The following TMEM117 variants were observed in gnomAD, a reference collection of about 807,000 sequenced individuals.
TMEM117 encodes the protein transmembrane protein 117.
TMEM117 carries 27 observed loss-of-function variants against 52.4 expected under a neutral mutation model. The observed-to-expected ratio is 0.51, with a 90% confidence interval of 0.38 to 0.71. The LOEUF is 0.71. TMEM117 is among the 30% of genes least tolerant of loss of function. The probability of loss-of-function intolerance (pLI) is 0.00; values close to 1 mark genes in which losing one functional copy is unlikely to be tolerated. For synonymous variants in TMEM117, 215 were observed against 206.3 expected, an observed-to-expected ratio of 1.04 and a Z score of -0.36; for missense variants, 556 against 630.5, an observed-to-expected ratio of 0.88 and a Z score of 1.26.
chr12:44,218,332 T>C (rs866341991), intron 5 of TMEM117, among the ~76,000 whole-genome samples: 1 of 152,122 alleles, frequency 6.6e-6, no homozygotes, highest in African/African-American at 2.4e-5. Flanking sequence ...TGATTCAACA[T>C]CTGTAAATCA....
chr12:44,150,484 A>G (rs1037719078), intron 4 of TMEM117, among the ~76,000 whole-genome samples: 11 of 152,194 alleles, frequency 7.2e-5, no homozygotes, highest in African/African-American at 2.4e-4. Flanking sequence ...ACAAAACCCA[A>G]GGACGGCAGA....
At chr12:44,291,280 A>T (rs926358784) in intron 5 of TMEM117, among the ~76,000 whole-genome samples, 1 of 149,106 alleles carries the variant, frequency 6.7e-6, no homozygotes, top group Non-Finnish European at 1.5e-5. Flanking sequence ...TTCTTTTTAG[A>T]TGGTTTATTA....
chr12:43,872,866 T>TC (rs1943730070), intron 2 of TMEM117, among the ~76,000 whole-genome samples: 1 of 152,150 alleles, frequency 6.6e-6, no homozygotes, highest in Non-Finnish European at 1.5e-5. Context: ...CTTTCTTTTT[T>TC]CCCCTCTTGA....
chr12:44,082,705 G>A (rs1176145282), intron 3 of TMEM117, among the ~76,000 whole-genome samples: 3 of 151,992 alleles, frequency 2.0e-5, no homozygotes, highest in Non-Finnish European at 4.4e-5. Flanking sequence ...TATAATTCAT[G>A]CAACATGAAA....
chr12:44,388,482 A>G lies in TMEM117; in HGVS notation c.1355A>G (p.Asn452Ser), dbSNP rs143561221. 3,611 of 1,613,448 alleles carry G rather than the reference A, an allele frequency of 2.2e-3. 3 individuals carry two copies. The highest frequency in any genetic ancestry group is 2.8e-3 in the Non-Finnish European group (3,248 of 1,179,656). The change falls in exon 8 of 8, where the codon AAC (asparagine) becomes AGC (serine). Residue 452 changes from asparagine to serine, a missense_variant. Coordinates refer to ENST00000266534, the MANE Select transcript of TMEM117 (RefSeq NM_032256.3). ...HSKDMGITRE[N>S]TQASVEDPLN... Reference sequence around the variant, plus strand: ...AAAGACATGGGAATCACTCGAGAAAACACCCAGGCTTCAGTAGAAGACCCC... The same window carrying G: ...AAAGACATGGGAATCACTCGAGAAAGCACCCAGGCTTCAGTAGAAGACCCC...
chr12:43,809,617 A>G, the TMEM117 span, among the ~76,000 whole-genome samples: 1 of 152,230 alleles, frequency 6.6e-6, no homozygotes, highest in Non-Finnish European at 1.5e-5. Flanking sequence ...TTGAATTTCC[A>G]AACCTCAAAA....
the TMEM117 span, among the ~76,000 whole-genome samples, chr12:43,817,007 A>G: frequency 6.6e-6 from 1 of 152,382 alleles, no homozygotes; most frequent in Admixed American, 6.5e-5. Flanking sequence ...TGAGCCATCA[A>G]AGAGCACACT....
intron 6 of TMEM117, among the ~76,000 whole-genome samples, chr12:44,373,873 C>T (rs894424938): frequency 8.0e-5 from 12 of 149,312 alleles, no homozygotes; most frequent in Middle Eastern, 3.3e-3. Flanking sequence ...CCTCCGTCTC[C>T]CGGGTTCAAG....
At chr12:44,255,487 C>T (rs1210316081) in intron 5 of TMEM117, among the ~76,000 whole-genome samples, 1 of 152,052 alleles carries the variant, frequency 6.6e-6, no homozygotes, top group East Asian at 1.9e-4. Flanking sequence ...CATATAGTAA[C>T]TAAATGTCTA....
chr12:43,920,502 G>C (rs1944674649), intron 2 of TMEM117, among the ~76,000 whole-genome samples: 1 of 149,496 alleles, frequency 6.7e-6, no homozygotes, highest in Non-Finnish European at 1.5e-5. Context: ...GACAGACTGA[G>C]ACTCAAAAAA....
chr12:44,069,052 A>G (rs889934412), intron 3 of TMEM117, among the ~76,000 whole-genome samples: 2 of 152,192 alleles, frequency 1.3e-5, no homozygotes, highest in African/African-American at 4.8e-5. Context: ...CACCATTAAA[A>G]TCTTTATTCT....
chr12:44,391,933 C>T (rs1952163705), downstream of TMEM117, among the ~76,000 whole-genome samples: 1 of 152,140 alleles, frequency 6.6e-6, no homozygotes, highest in South Asian at 2.1e-4. Context: ...AGCTTTGTCC[C>T]TCAGAACCCA....
chr12:44,074,681 A>G (rs1249813828), intron 3 of TMEM117, among the ~76,000 whole-genome samples: 1 of 152,132 alleles, frequency 6.6e-6, no homozygotes, highest in African/African-American at 2.4e-5. Flanking sequence ...TATATATATC[A>G]TATACATTTG....
chr12:43,927,659 A>G (rs1219243312), intron 2 of TMEM117, among the ~76,000 whole-genome samples: 1 of 151,878 alleles, frequency 6.6e-6, no homozygotes, highest in Non-Finnish European at 1.5e-5. Flanking sequence ...TTATTATGTA[A>G]TGATTCTCTT....
At chr12:44,299,128 A>C (rs1032680663) in intron 5 of TMEM117, among the ~76,000 whole-genome samples, 14 of 125,418 alleles carry the variant, frequency 1.1e-4, no homozygotes, top group Non-Finnish European at 6.4e-5. Context: ...AAGGCATTTA[A>C]TTTTTTTTTT....
chr12:44,022,235 C>A (rs929226383), intron 3 of TMEM117, among the ~76,000 whole-genome samples: 1 of 152,126 alleles, frequency 6.6e-6, no homozygotes, highest in Non-Finnish European at 1.5e-5. Context: ...AGCCATTTAG[C>A]CTCTCTGAGC....
At chr12:43,906,387 T>C (rs1944387844) in intron 2 of TMEM117, among the ~76,000 whole-genome samples, 1 of 151,474 alleles carries the variant, frequency 6.6e-6, no homozygotes, top group Admixed American at 6.6e-5. Flanking sequence ...CACTTGAACC[T>C]GGATGACAGA....
At chr12:44,347,722 G>A (rs1039186441) in intron 6 of TMEM117, among the ~76,000 whole-genome samples, 6 of 151,876 alleles carry the variant, frequency 4.0e-5, no homozygotes, top group African/African-American at 1.5e-4. Context: ...GTAATCAAGG[G>A]GTCAAAATGA....
intron 2 of TMEM117, among the ~76,000 whole-genome samples, chr12:43,887,172 G>C (rs936161745): frequency 1.1e-4 from 16 of 152,156 alleles, no homozygotes; most frequent in African/African-American, 3.6e-4. Context: ...TTTTCAGTGA[G>C]GGGTTGGGTG....
Sources: gnomAD v4.1 joint callset for allele counts (sites outside exome capture counted in the v4.1 genomes callset) on GRCh38, gnomAD v4.1.1 for gene constraint, MANE v1.5 for transcripts, NCBI Gene and HGNC (gene_info 2026-07-23, HGNC 2026-07-21) for gene names.